The following VWF variants were observed in gnomAD, a reference collection of about 807,000 sequenced individuals.
VWF encodes the protein Factor VIII related antigen.
A neutral mutation model predicts 308.6 loss-of-function variants in VWF; 176 were observed. The observed-to-expected ratio is 0.57, with a 90% CI of 0.50 to 0.65. The LOEUF is 0.65. Ranked by LOEUF, VWF falls within the 30% of genes least tolerant of loss-of-function variation. The pLI is 0.00. For missense variants in VWF, 3,146 were observed against 3,648.2 expected (o/e 0.86, Z 3.55); for synonymous variants, 1,385 against 1,443.4 (o/e 0.96, Z 0.92).
At chr12:5,961,878 C>T (rs79868110) in intron 47 of VWF, among the ~76,000 whole-genome samples, 4,696 of 151,808 alleles carry the variant, frequency 0.031, 235 homozygotes, top group African/African-American at 0.11. Flanking sequence ...GATTTAAACT[C>T]CCAACTGATG....
At chr12:6,034,061 C>T (rs567042056) in intron 20 of VWF, among the ~76,000 whole-genome samples, 33 of 152,332 alleles carry the variant, frequency 2.2e-4, no homozygotes, top group South Asian at 1.4e-3. Flanking sequence ...CCACACTCAC[C>T]GTGAGGATTC....
Position 6,110,430 on chromosome 12 carries a change from C to G in VWF, c.476G>C (p.Cys159Ser). 6.2e-7 allele frequency: 1 copy of G among 1,614,162 alleles called. No individual in the cohort carries two copies. The highest frequency in any genetic ancestry group is 8.5e-7 in the Non-Finnish European group (1 of 1,180,034). Residue 159 changes from cysteine (C) to serine (S), a missense_variant, in exon 5 of 52, where the codon TGC (cysteine) becomes TCC (serine). Cys to Ser is a moderately radical substitution (Grantham distance 112, BLOSUM62 -1). Around this residue, in one of 3 missense-constraint regions of VWF, gnomAD observed 1,304 missense variants for 1,353.0 expected, o/e 0.96. Transcript: ENST00000261405. ...LLSDRYFNKT[C>S]GLCGNFNIFA... ...GATGTTAAAGTTGCCACACAGCCCGCAGGTCTTGTTGAAGTATCTGTCTGA... is the reference window on the plus strand; with the variant it reads ...GATGTTAAAGTTGCCACACAGCCCGGAGGTCTTGTTGAAGTATCTGTCTGA...
rs185374140 is a variant in VWF at position 5,996,013 on chromosome 12, T to C, written c.6052A>G (p.Ser2018Gly). Residue 2018 changes from serine (S) to glycine (G), a missense_variant, in exon 35 of 52, where the codon AGT (serine) becomes GGT (glycine). Coordinates refer to ENST00000261405, the MANE Select transcript of VWF (RefSeq NM_000552.5). ...KHSALSVELH[S>G]DMEVTVNGRL... ...AAAGTACTTCTCACCTCCATGTCACTGTGCAGCTCGACGGAGAGGGCACTG... is the reference window on the plus strand; with the variant it reads ...AAAGTACTTCTCACCTCCATGTCACCGTGCAGCTCGACGGAGAGGGCACTG... The C allele has an allele frequency of 3.4e-5, 55 of 1,612,806 alleles. No individual in the cohort carries two copies. The African/African-American group carries it at 6.7e-4, about 20-fold the overall frequency.
chr12:6,009,851 T>C (rs1943971552), intron 34 of VWF, among the ~76,000 whole-genome samples: 1 of 152,210 alleles, frequency 6.6e-6, no homozygotes, highest in Non-Finnish European at 1.5e-5. Flanking sequence ...TTGGAGGATG[T>C]TAAGCTAAGT....
At chr12:5,973,779 T>C (rs1485195326) in intron 43 of VWF, among the ~76,000 whole-genome samples, 1 of 152,192 alleles carries the variant, frequency 6.6e-6, no homozygotes, top group Non-Finnish European at 1.5e-5. Flanking sequence ...CTTCTCAGAA[T>C]ACAGTTCCTA....
At chr12:6,085,315 C>T (rs1422904839) in intron 6 of VWF, among the ~76,000 whole-genome samples, 1 of 152,232 alleles carries the variant, frequency 6.6e-6, no homozygotes, top group African/African-American at 2.4e-5. Context: ...CCCTAAGCTG[C>T]GCTATCACTT....
Position 5,953,570 on chromosome 12 carries a change from C to A in VWF, c.7912G>T (p.Gly2638Cys). 2 of 1,614,140 alleles carry A rather than the reference C, an allele frequency of 1.2e-6. No individual in the cohort carries two copies. Among genetic ancestry groups the A allele is most frequent in the Non-Finnish European group, 1.7e-6 (2 of 1,180,014 alleles). The stretch of plus-strand genomic sequence containing the variant: ...GGCAAACATCTCCCACAACATTCAC[C>A]TGTGTTATTTTCTTCCTTGTAACCC... The part of the protein sequence containing the change: ...PLGYKEENNT[G>C]ECCGRCLPTA... The change falls in exon 48 of 52, where the codon GGT becomes TGT. Residue 2638 changes from glycine to cysteine, a missense_variant. By Grantham distance (159) the Gly-to-Cys change is radical. Transcript: ENST00000261405.
intron 42 of VWF, among the ~76,000 whole-genome samples, chr12:5,980,091 AAAGGAAGGAAGGAAGG>A (rs199720992): frequency 0.56 from 41,321 of 73,756 alleles, 11,943 homozygotes; most frequent in East Asian, 0.67. Context: ...GAAAAGAAAG[AAAGGAAGGAAGGAAGG>A]AAGGAAGGAA....
chr12:6,052,073 G>A (rs1039978964), intron 16 of VWF, among the ~76,000 whole-genome samples: 1 of 152,234 alleles, frequency 6.6e-6, no homozygotes, highest in African/African-American at 2.4e-5. Flanking sequence ...GCTGCAGGAA[G>A]CAAGCATGAT....
chr12:6,117,837 T>C (rs1471147593), intron 3 of VWF, among the ~76,000 whole-genome samples: 2 of 152,042 alleles, frequency 1.3e-5, no homozygotes, highest in East Asian at 1.9e-4. Flanking sequence ...AGATGAGGAA[T>C]TGGAGGCTAA....
chr12:5,962,538 CTTTT>C (rs35124526), intron 47 of VWF, among the ~76,000 whole-genome samples: 2 of 101,592 alleles, frequency 2.0e-5, no homozygotes, highest in African/African-American at 3.8e-5. Context: ...ACAGGCAATT[CTTTT>C]TTTTTTTTTT....
chr12:6,109,268 C>CAT, intron 5 of VWF, among the ~76,000 whole-genome samples: 1 of 149,672 alleles, frequency 6.7e-6, no homozygotes, highest in South Asian at 2.1e-4. Flanking sequence ...TATATATATA[C>CAT]ATATATATAC....
In VWF at chr12:6,016,900, C is replaced by G. The variant is rs536640299; in HGVS notation, c.5054-30G>C. On this transcript the variant is annotated intron_variant, in intron 28 of 51. Coordinates refer to ENST00000261405, the MANE Select transcript of VWF (RefSeq NM_000552.5). ...AAAGACAACCAGGAAGGTGAGCACA[C>G]AGGTGCCAGCAGGGACAATGGCCAC... The G allele has an allele frequency of 8.3e-5, 133 of 1,607,126 alleles. 1 individual carries two copies. In the South Asian group the frequency reaches 1.4e-3, roughly 17 times the overall value.
At chr12:6,016,717 T>C (rs1237265483) in intron 29 of VWF, 37 bp downstream of exon 29, 1 of 1,614,140 alleles carries the variant, frequency 6.2e-7, no homozygotes, top group Non-Finnish European at 8.5e-7. Context: ...AAAGAGCCTC[T>C]TCGTCACCTG....
intron 40 of VWF, among the ~76,000 whole-genome samples, chr12:5,983,595 T>C (rs183166732): frequency 3.4e-4 from 51 of 150,564 alleles, no homozygotes; most frequent in African/African-American, 1.1e-3. Flanking sequence ...AGAGATAGGA[T>C]AGATGATAAA....
At chr12:6,071,187 A>C in intron 10 of VWF, 110 bp downstream of exon 10, 1 of 1,325,834 alleles carries the variant, frequency 7.5e-7, no homozygotes, top group Non-Finnish European at 1.1e-6. Context: ...CTGTGCAGAG[A>C]GGGCAACTTC....
At chr12:6,008,985 T>G (rs1011365070) in intron 34 of VWF, among the ~76,000 whole-genome samples, 2 of 152,022 alleles carry the variant, frequency 1.3e-5, no homozygotes, top group African/African-American at 2.4e-5. Context: ...ATTATAAAAC[T>G]CCTAAAAGAA....
intron 5 of VWF, among the ~76,000 whole-genome samples, chr12:6,104,690 C>G (rs1223858207): frequency 3.3e-5 from 5 of 151,348 alleles, no homozygotes; most frequent in Non-Finnish European, 7.4e-5. Context: ...GAGTGAGACT[C>G]TGTCTCGGAA....
At position 6,018,979 on chromosome 12, in the gene VWF, G is replaced by A. The variant is rs778742589; in HGVS notation, c.4439C>T (p.Pro1480Leu). The change falls in exon 28 of 52, where the codon CCG becomes CTG. Residue 1480 changes from proline to leucine, a missense_variant. Transcript: ENST00000261405. ...CAGGGTCGAAACCCCCAAGAGCCCC[G>A]GGCCCACAGTGACTTGTGCCATGTC... is the stretch of plus-strand genomic sequence containing the variant. ...PPDMAQVTVG[P>L]GLLGVSTLGP... 27 of 1,613,804 alleles carry A rather than the reference G, an allele frequency of 1.7e-5. No individual in the cohort carries two copies. The highest frequency in any genetic ancestry group is 3.3e-5 in the Admixed American group (2 of 59,996).
Sources: gnomAD v4.1 joint callset for allele counts (sites outside exome capture counted in the v4.1 genomes callset) on GRCh38, gnomAD v4.1.1 for gene constraint, gnomAD v4.1.1 regional missense constraint, MANE v1.5 for transcripts, NCBI Gene and HGNC (gene_info 2026-07-23, HGNC 2026-07-21) for gene names.